CELF1: variants seen among roughly 807,000 people sequenced by gnomAD.
The protein encoded by CELF1 is CUGBP Elav-like family member 1, also known as 50 kDa nuclear polyadenylated RNA-binding protein.
A neutral mutation model predicts 61.8 loss-of-function variants in CELF1; 10 were observed. The ratio of observed to expected loss-of-function variants is 0.16; its 90% CI spans 0.10 to 0.27. The LOEUF (loss-of-function observed/expected upper bound fraction) is 0.27, where lower values mean the gene tolerates loss of function less well. Among genes scored for constraint, CELF1 ranks in the 10% least tolerant of loss-of-function variants. The pLI is 1.00. For synonymous variants in CELF1, 236 were observed against 225.1 expected (o/e 1.05, Z -0.43); for missense variants, 380 against 639.1 (o/e 0.59, Z 4.37).
chr11:47,541,690 G>A (rs200719802), intron 1 of CELF1, among the ~76,000 whole-genome samples: 5,237 of 7,896 alleles, frequency 0.66, 1,410 homozygotes, highest in East Asian at 0.91. Context: ...GACTGTCAAA[G>A]AAAGAAAGAA....
chr11:47,542,444 T>C (rs2096833179), intron 1 of CELF1, among the ~76,000 whole-genome samples: 1 of 152,026 alleles, frequency 6.6e-6, no homozygotes, highest in Middle Eastern at 3.4e-3. Context: ...TGAGATCCAT[T>C]AGGTATCAAT....
At chr11:47,516,078 C>T (rs1414943264) in intron 1 of CELF1, among the ~76,000 whole-genome samples, 1 of 151,626 alleles carries the variant, frequency 6.6e-6, no homozygotes, top group Non-Finnish European at 1.5e-5. Context: ...TGGCAGGCGC[C>T]TGTAATCCCA....
chr11:47,558,845 AAT>A (rs1034313791), intron 2 of CELF1, among the ~76,000 whole-genome samples: 13 of 126,410 alleles, frequency 1.0e-4, no homozygotes, highest in South Asian at 4.5e-4. Context: ...TGCAGCCAAT[AAT>A]ATATATATAC....
At chr11:47,527,198 A>T (rs2096275658) in intron 1 of CELF1, among the ~76,000 whole-genome samples, 1 of 152,074 alleles carries the variant, frequency 6.6e-6, no homozygotes, top group Admixed American at 6.6e-5. Flanking sequence ...GCCTCTTAAC[A>T]CTAAACATAA....
At chr11:47,539,195 A>G (rs1335688847) in intron 1 of CELF1, among the ~76,000 whole-genome samples, 1 of 152,216 alleles carries the variant, frequency 6.6e-6, no homozygotes, top group African/African-American at 2.4e-5. Context: ...ATATTCCTAA[A>G]AAAATTAAAA....
At chr11:47,516,168 G>C (rs1463365797) in intron 1 of CELF1, among the ~76,000 whole-genome samples, 1 of 149,800 alleles carries the variant, frequency 6.7e-6, no homozygotes, top group Non-Finnish European at 1.5e-5. Flanking sequence ...CTCCAGCCTG[G>C]GTGACAGAGC....
At chr11:47,489,935 G>GTTTTTGTTTTTTTTTT (rs1555170253) in intron 3 of CELF1, among the ~76,000 whole-genome samples, 3 of 48,236 alleles carry the variant, frequency 6.2e-5, no homozygotes, top group East Asian at 6.0e-4. Context: ...ATACCATCTT[G>GTTTTTGTTTTTTTTTT]TTTTTTTTTT....
chr11:47,505,716 C>G (rs140972313), intron 1 of CELF1, among the ~76,000 whole-genome samples: 1 of 149,076 alleles, frequency 6.7e-6, no homozygotes, highest in African/African-American at 2.5e-5. Flanking sequence ...TTTGGGAGGC[C>G]GAGGCTGGCA....
intron 5 of CELF1, among the ~76,000 whole-genome samples, 159 bp downstream of exon 5, chr11:47,487,000 G>A (rs11039258): frequency 1.3e-5 from 2 of 152,160 alleles, no homozygotes; most frequent in Non-Finnish European, 2.9e-5. Context: ...ACTAATGTCA[G>A]GTAATCTCTG....
chr11:47,560,163 C>T (rs1009800936), intron 2 of CELF1, among the ~76,000 whole-genome samples: 23 of 151,876 alleles, frequency 1.5e-4, no homozygotes, highest in Middle Eastern at 3.2e-3. Flanking sequence ...TGGTGGTGCA[C>T]GCCTGTAATC....
At chr11:47,501,449 G>A (rs190803282) in intron 1 of CELF1, among the ~76,000 whole-genome samples, 55 of 152,296 alleles carry the variant, frequency 3.6e-4, no homozygotes, top group African/African-American at 1.2e-3. Context: ...AAGAATAACT[G>A]AGTCGACAAC....
At chr11:47,554,045 T>C (rs1194280770), upstream of CELF1, among the ~76,000 whole-genome samples, 2 of 152,108 alleles carry the variant, frequency 1.3e-5, no homozygotes, top group Admixed American at 1.3e-4. Context: ...AAATAACTCA[T>C]GGGATGGTTT....
chr11:47,528,386 C>A (rs2096335516), intron 1 of CELF1, among the ~76,000 whole-genome samples: 1 of 152,112 alleles, frequency 6.6e-6, no homozygotes, highest in African/African-American at 2.4e-5. Context: ...GGATTCACAA[C>A]TTTTACCAGA....
At chr11:47,519,554 C>T (rs1192033684) in intron 1 of CELF1, among the ~76,000 whole-genome samples, 56 of 152,022 alleles carry the variant, frequency 3.7e-4, no homozygotes, top group Non-Finnish European at 1.6e-4. Context: ...GCTTTCATCA[C>T]TCTGCAATTG....
chr11:47,517,463 C>T (rs2095620306), intron 1 of CELF1, among the ~76,000 whole-genome samples: 3 of 151,974 alleles, frequency 2.0e-5, no homozygotes, highest in South Asian at 4.1e-4. Flanking sequence ...CAACAGAACA[C>T]TATGTAGCTA....
intron 1 of CELF1, among the ~76,000 whole-genome samples, chr11:47,509,844 C>T (rs1459380568): frequency 4.7e-5 from 7 of 147,894 alleles, no homozygotes; most frequent in South Asian, 2.1e-4. Context: ...CTGGCCAACA[C>T]GGTGAAACCC....
chr11:47,552,209 TACC>T (rs2097156079), intron 1 of CELF1, among the ~76,000 whole-genome samples: 1 of 152,204 alleles, frequency 6.6e-6, no homozygotes, highest in South Asian at 2.1e-4. Flanking sequence ...GTCAAAATCT[TACC>T]ACATTCCCCT....
At chr11:47,554,606 C>A (rs964384849), upstream of CELF1, among the ~76,000 whole-genome samples, 1 of 151,816 alleles carries the variant, frequency 6.6e-6, no homozygotes, top group African/African-American at 2.4e-5. Context: ...ACACACACAC[C>A]CATGCTTTCA....
At chr11:47,492,310 CA>C (rs1368424165) in intron 3 of CELF1, among the ~76,000 whole-genome samples, 1 of 152,156 alleles carries the variant, frequency 6.6e-6, no homozygotes, top group Non-Finnish European at 1.5e-5. Flanking sequence ...CAGATGGCAT[CA>C]TTTTACTGGT....
Sources: gnomAD v4.1 joint callset for allele counts (sites outside exome capture counted in the v4.1 genomes callset) on GRCh38, gnomAD v4.1.1 for gene constraint, MANE v1.5 for transcripts, NCBI Gene and HGNC (gene_info 2026-07-23, HGNC 2026-07-21) for gene names.